The following KCND3 variants were observed in gnomAD, a reference collection of about 807,000 sequenced individuals.
The protein encoded by KCND3 is A-type voltage-gated potassium channel KCND3.
In KCND3, 9 loss-of-function variants were observed where a neutral mutation model predicts 51.1. The ratio of observed to expected loss-of-function variants is 0.18; its 90% CI spans 0.11 to 0.31. KCND3 has a LOEUF of 0.31. Among genes scored for constraint, KCND3 ranks in the 10% least tolerant of loss-of-function variants. The pLI is 1.00. For synonymous variants in KCND3, 349 were observed against 368.0 expected, an observed-to-expected ratio of 0.95 and a Z score of 0.59; for missense variants, 526 against 903.8, an observed-to-expected ratio of 0.58 and a Z score of 5.36.
intron 2 of KCND3, among the ~76,000 whole-genome samples, chr1:111,880,279 G>A (rs1286194137): frequency 2.0e-5 from 3 of 152,282 alleles, no homozygotes; most frequent in Admixed American, 6.5e-5. Context: ...ACATGGTCTT[G>A]GTCCTCAAGG....
intron 2 of KCND3, among the ~76,000 whole-genome samples, chr1:111,886,303 C>G (rs1361716467): frequency 6.6e-6 from 1 of 152,154 alleles, no homozygotes; most frequent in Non-Finnish European, 1.5e-5. Context: ...CAGGTCAGAC[C>G]AAATTCAGCC....
chr1:111,931,303 C>T (rs1671958313), intron 2 of KCND3, among the ~76,000 whole-genome samples: 2 of 152,146 alleles, frequency 1.3e-5, no homozygotes, highest in South Asian at 4.1e-4. Context: ...CCTTCTTGTA[C>T]TGTTTTGATT....
chr1:111,803,512 C>T (rs1482687741), intron 2 of KCND3, among the ~76,000 whole-genome samples: 1 of 152,128 alleles, frequency 6.6e-6, no homozygotes, highest in Admixed American at 6.6e-5. Context: ...AGACACCAAG[C>T]CCCCACATGG....
At chr1:111,852,022 A>G (rs933384778) in intron 2 of KCND3, among the ~76,000 whole-genome samples, 5 of 152,246 alleles carry the variant, frequency 3.3e-5, no homozygotes, top group Admixed American at 2.6e-4. Flanking sequence ...TGTCTGGATA[A>G]TCAACTATTT....
chr1:111,850,835 C>T (rs1024554321), intron 2 of KCND3, among the ~76,000 whole-genome samples: 2 of 152,238 alleles, frequency 1.3e-5, no homozygotes, highest in African/African-American at 4.8e-5. Context: ...GACACAGACA[C>T]ATAGGGCACA....
intron 2 of KCND3, among the ~76,000 whole-genome samples, chr1:111,954,749 T>A (rs1459802177): frequency 2.6e-5 from 4 of 152,198 alleles, no homozygotes; most frequent in African/African-American, 9.7e-5. Flanking sequence ...AGACTTCTCC[T>A]CCAGCAGCCT....
At chr1:111,815,510 C>T (rs1666045752) in intron 2 of KCND3, among the ~76,000 whole-genome samples, 1 of 150,056 alleles carries the variant, frequency 6.7e-6, no homozygotes, top group South Asian at 2.2e-4. Context: ...CTTCCTCATC[C>T]CCTGCCATCC....
chr1:111,883,200 G>A (rs911323692), intron 2 of KCND3, among the ~76,000 whole-genome samples: 4 of 152,218 alleles, frequency 2.6e-5, no homozygotes, highest in Non-Finnish European at 5.9e-5. Flanking sequence ...CACTTGCCAC[G>A]TGCCAGGCAC....
At chr1:111,917,225 A>T (rs1159152372) in intron 2 of KCND3, among the ~76,000 whole-genome samples, 2 of 152,238 alleles carry the variant, frequency 1.3e-5, no homozygotes, top group Non-Finnish European at 2.9e-5. Context: ...TTACCATTTC[A>T]TTCAACATTG....
chr1:111,829,124 T>C (rs972660929), intron 2 of KCND3, among the ~76,000 whole-genome samples: 1 of 152,216 alleles, frequency 6.6e-6, no homozygotes, highest in Non-Finnish European at 1.5e-5. Flanking sequence ...TGCAGTGTTA[T>C]GAGTGTTAAA....
intron 2 of KCND3, among the ~76,000 whole-genome samples, chr1:111,801,188 A>G (rs1665291975): frequency 6.6e-6 from 1 of 152,236 alleles, no homozygotes; most frequent in African/African-American, 2.4e-5. Context: ...GGTTAGTGCC[A>G]AAGTGGGCGT....
At chr1:111,984,097 G>A (rs1445894587) in intron 1 of KCND3, among the ~76,000 whole-genome samples, 2 of 152,262 alleles carry the variant, frequency 1.3e-5, no homozygotes, top group East Asian at 3.9e-4. Context: ...GAATTATTTG[G>A]GCCCTCTGGA....
At chr1:111,964,825 G>A (rs928652493) in intron 2 of KCND3, among the ~76,000 whole-genome samples, 4 of 152,134 alleles carry the variant, frequency 2.6e-5, no homozygotes, top group Non-Finnish European at 5.9e-5. Flanking sequence ...ACTGAGGGCT[G>A]CTTCCCTCAC....
At chr1:111,949,119 C>T (rs1028704463) in intron 2 of KCND3, among the ~76,000 whole-genome samples, 6 of 152,150 alleles carry the variant, frequency 3.9e-5, no homozygotes, top group Admixed American at 6.5e-5. Flanking sequence ...GTGAGTATCA[C>T]ATGTGCAAGT....
At chr1:111,814,356 A>G (rs1332888067) in intron 2 of KCND3, among the ~76,000 whole-genome samples, 2 of 152,220 alleles carry the variant, frequency 1.3e-5, no homozygotes, top group Non-Finnish European at 2.9e-5. Context: ...GCGGCTGCCA[A>G]TCTTGGGGAC....
intron 2 of KCND3, among the ~76,000 whole-genome samples, chr1:111,828,243 C>T (rs760911949): frequency 1.3e-5 from 2 of 152,094 alleles, no homozygotes; most frequent in African/African-American, 4.8e-5. Flanking sequence ...TGCCTTTCCT[C>T]ACAGAGCTTG....
intron 2 of KCND3, among the ~76,000 whole-genome samples, chr1:111,848,390 T>C (rs1260661091): frequency 6.6e-6 from 1 of 152,230 alleles, no homozygotes; most frequent in Non-Finnish European, 1.5e-5. Context: ...CCAATGGAAA[T>C]GTCACACAGC....
At chr1:111,930,247 C>T (rs1384964675) in intron 2 of KCND3, among the ~76,000 whole-genome samples, 1 of 151,982 alleles carries the variant, frequency 6.6e-6, no homozygotes, top group African/African-American at 2.4e-5. Context: ...GAGGGCATCC[C>T]TGTGTTAGTA....
intron 6 of KCND3, among the ~76,000 whole-genome samples, chr1:111,778,004 A>G (rs1253475730): frequency 6.6e-6 from 1 of 152,210 alleles, no homozygotes. Context: ...AGTTGACTAC[A>G]AATCTATGGC....
Sources: gnomAD v4.1 joint callset for allele counts (sites outside exome capture counted in the v4.1 genomes callset) on GRCh38, gnomAD v4.1.1 for gene constraint, MANE v1.5 for transcripts, NCBI Gene and HGNC (gene_info 2026-07-23, HGNC 2026-07-21) for gene names.